The following FAM8A1 variants were observed in gnomAD, a reference collection of about 807,000 sequenced individuals.
FAM8A1 encodes the protein family with sequence similarity 8 member A1.
Under a neutral mutation model 38.3 loss-of-function variants are expected in FAM8A1, and 18 were observed. That is an observed-to-expected ratio of 0.47 (90% CI 0.33 to 0.70). FAM8A1 has a LOEUF of 0.70. Among genes scored for constraint, FAM8A1 ranks in the 30% least tolerant of loss-of-function variants. FAM8A1 has a pLI of 0.03. For synonymous variants in FAM8A1, 246 were observed against 234.4 expected (o/e 1.05, Z -0.45); for missense variants, 559 against 559.6 (o/e 1.00, Z 0.01).
intron 1 of FAM8A1, 90 bp downstream of exon 1, chr6:17,601,211 G>C: frequency 6.8e-7 from 1 of 1,463,474 alleles, no homozygotes; most frequent in South Asian, 1.3e-5. Flanking sequence ...ACCTGTAACT[G>C]CTGCTTCTAC....
chr6:17,604,959 C>T lies in FAM8A1; in HGVS notation c.887C>T (p.Thr296Ile), dbSNP rs775955945. 1 of 1,607,766 alleles carries T rather than the reference C, an allele frequency of 6.2e-7. No individual in the cohort carries two copies. Among genetic ancestry groups the T allele is most frequent in the East Asian group, 2.2e-5 (1 of 44,722 alleles). The change falls in exon 3 of 5, where the codon ACA becomes ATA. Residue 296 changes from threonine to isoleucine, a missense_variant. Physicochemically the swap from Thr to Ile is moderately conservative, Grantham distance 89. Transcript: ENST00000259963. ...HYIIEEIDED[T>I]SMEDLQKMMV... ...ATAATAGAAGAAATAGATGAAGACACATCAATGGAAGACTTGCAGAAAATG... is the reference window on the plus strand; with the variant it reads ...ATAATAGAAGAAATAGATGAAGACATATCAATGGAAGACTTGCAGAAAATG...
In FAM8A1 at chr6:17,609,539, A is replaced by G. The variant is rs1764108357; in HGVS notation, c.*1200A>G. On this transcript the variant is annotated 3_prime_UTR_variant, in exon 5 of 5. Coordinates refer to ENST00000259963, the MANE Select transcript of FAM8A1 (RefSeq NM_016255.3). ...AAAGTTTGGGGGGAAATGTTACGCA[A>G]AGTGATACTGTGTATGTTGCCATTT... The G allele has an allele frequency of 6.6e-6, 1 of 152,164 alleles. No individual in the cohort carries two copies. Among genetic ancestry groups the G allele is most frequent in the Non-Finnish European group, 1.5e-5 (1 of 68,036 alleles). 9.4% of individuals were successfully genotyped at this position (152,164 alleles called of 1,614,324 possible).
Position 17,602,550 on chromosome 6 carries a change from G to T in FAM8A1, c.713-40G>T, listed in dbSNP as rs773863992. 4.5e-6 allele frequency: 7 copies of T among 1,568,538 alleles called. No homozygotes were observed. In the Admixed American group the frequency reaches 9.8e-5, roughly 22 times the overall value. On this transcript the variant is annotated intron_variant, in intron 1 of 4. Transcript: ENST00000259963. The stretch of plus-strand genomic sequence containing the variant: ...TTGTGTTCCAAGGCTTATGTGAAAT[G>T]ATTCGTTTTTCCTAACTTTTTTTTT...
At chr6:17,606,159 G>T in intron 4 of FAM8A1, 146 bp downstream of exon 4, 1 of 479,846 alleles carries the variant, frequency 2.1e-6, no homozygotes, top group South Asian at 6.7e-5. Flanking sequence ...TGTGTTACAT[G>T]ATTGTAGACC....
rs984962618 is a variant in FAM8A1, at chr6:17,609,413, A to C, written c.*1074A>C. ...GTACTATTAATTAATAGCTTGCGAA[A>C]TATTAGCAATTTTCCCATTATGGAC... On this transcript the variant is annotated 3_prime_UTR_variant, in exon 5 of 5. Transcript: ENST00000259963. 1.3e-5 allele frequency: 2 copies of C among 152,156 alleles called. No individual in the cohort carries two copies. Among genetic ancestry groups the C allele is most frequent in the African/African-American group, 4.8e-5 (2 of 41,442 alleles). The allele number at this position is 152,156 out of a possible 1,614,324, so 9.4% of individuals were successfully genotyped here.
At chr6:17,601,163 T>C in intron 1 of FAM8A1, 42 bp downstream of exon 1, 5 of 1,549,656 alleles carry the variant, frequency 3.2e-6, no homozygotes, top group Non-Finnish European at 3.5e-6. Flanking sequence ...TAGAAGGGTT[T>C]TCGGGGGCCT....
In FAM8A1 at chr6:17,602,578, T is replaced by C; in HGVS notation, c.713-12T>C. 1 of 1,533,630 alleles carries C rather than the reference T, an allele frequency of 6.5e-7. No individual in the cohort carries two copies. The highest frequency in any genetic ancestry group is 1.2e-5 in the South Asian group (1 of 82,112). On this transcript the variant is annotated splice_polypyrimidine_tract_variant and intron_variant, in intron 1 of 4. Transcript: ENST00000259963. ...TCGTTTTTCCTAACTTTTTTTTTTTTTTAATTTACAGGCAGAGAATATGTT... is the reference window on the plus strand; with the variant it reads ...TCGTTTTTCCTAACTTTTTTTTTTTCTTAATTTACAGGCAGAGAATATGTT...
chr6:17,600,977 G>A lies in FAM8A1; in HGVS notation c.568G>A (p.Ala190Thr), dbSNP rs776746663. The change falls in exon 1 of 5, where the codon GCT becomes ACT. Residue 190 changes from alanine to threonine, a missense_variant. By Grantham distance (58) the Ala-to-Thr change is moderately conservative. Transcript: ENST00000259963. ...GGCCGCGGGGCCTGACCCGCGGACA[G>A]CTGCCGGCATCAGCACCCCTGCTCC... ...PGAAGPDPRT[A>T]AGISTPAPVA... 1.7e-4 allele frequency: 275 copies of A among 1,594,140 alleles called. 1 individual carries two copies. The highest frequency in any genetic ancestry group is 2.2e-4 in the Non-Finnish European group (256 of 1,172,388).
intron 4 of FAM8A1, among the ~76,000 whole-genome samples, chr6:17,607,224 A>C (rs1484373479): frequency 1.4e-5 from 2 of 142,980 alleles, no homozygotes; most frequent in Admixed American, 7.5e-5. Flanking sequence ...GCACCACTGC[A>C]CTCCAACCTG....
At chr6:17,602,525 T>A in intron 1 of FAM8A1, 65 bp from the exon 2 acceptor site, 2 of 1,510,558 alleles carry the variant, frequency 1.3e-6, no homozygotes, top group African/African-American at 2.8e-5. Context: ...ATTACATGGC[T>A]TGTGTTCCAA....
chr6:17,600,617 C>T lies in FAM8A1; in HGVS notation c.208C>T (p.Pro70Ser). 1.3e-6 allele frequency: 2 copies of T among 1,506,788 alleles called. No homozygotes were observed. The highest frequency in any genetic ancestry group is 1.5e-5 in the African/African-American group (1 of 68,262). The allele number at this position is 1,506,788 out of a possible 1,614,324, so 93.3% of individuals were successfully genotyped here. ...CGCCGCAGCCGACAAATTGGAGCCG[C>T]CGCGCGAGCTCAGGAAGCGCGGGGA... ...AAAAADKLEP[P>S]RELRKRGEAA... The change falls in exon 1 of 5, where the codon CCG becomes TCG. Residue 70 changes from proline to serine, a missense_variant. Pro to Ser is a moderately conservative substitution (Grantham distance 74, BLOSUM62 -1). This residue lies in a region of FAM8A1 where 393 missense variants were observed against 338.9 expected (regional missense o/e 1.16). Transcript: ENST00000259963.
At chr6:17,605,777 G>GA (rs1406646760) in intron 3 of FAM8A1, 97 bp from the exon 4 acceptor site, 72 of 1,285,840 alleles carry the variant, frequency 5.6e-5, no homozygotes, top group Non-Finnish European at 7.1e-5. Flanking sequence ...CTTTCAACTT[G>GA]AAAAATTTAA....
In FAM8A1 at chr6:17,601,141, G is replaced by C. The variant is rs1206243119; in HGVS notation, c.712+20G>C. 6.4e-7 allele frequency: 1 copy of C among 1,572,732 alleles called. No homozygotes were observed. The highest frequency in any genetic ancestry group is 1.9e-5 in the Admixed American group (1 of 53,178). ...AGGCAGGTGAGAAGCGCGAGGTGGA[G>C]GCTGGGCGGAGTAGAAGGGTTTTCG... On this transcript the variant is annotated intron_variant, in intron 1 of 4. Transcript: ENST00000259963.
intron 2 of FAM8A1, among the ~76,000 whole-genome samples, chr6:17,603,972 G>T (rs1211455321): frequency 1.3e-5 from 2 of 152,030 alleles, no homozygotes; most frequent in African/African-American, 4.8e-5. Flanking sequence ...TGGTAACTCA[G>T]TCTCCTGTTT....
chr6:17,603,918 G>C (rs571210824), intron 2 of FAM8A1, among the ~76,000 whole-genome samples: 1 of 151,606 alleles, frequency 6.6e-6, no homozygotes, highest in African/African-American at 2.4e-5. Flanking sequence ...TCCCTACTCC[G>C]ATTACTGTCG....
At chr6:17,606,606 G>A (rs1297245181) in intron 4 of FAM8A1, among the ~76,000 whole-genome samples, 2 of 152,124 alleles carry the variant, frequency 1.3e-5, no homozygotes. Flanking sequence ...TTGGACCTGT[G>A]GATGTTAGGT....
rs1366000323 is a variant in FAM8A1 at position 17,600,689 on chromosome 6, G to C, written c.280G>C (p.Glu94Gln). ...AGAGCTGCAGGAGCAGGCGGGCTGC[G>C]AGGCGCCCGAAGCCGCGGCGCCACG... ...GAELQEQAGC[E>Q]APEAAAPRER... The change falls in exon 1 of 5, where the codon GAG becomes CAG. Residue 94 changes from glutamate (E) to glutamine (Q), a missense_variant. By Grantham distance (29) the Glu-to-Gln change is conservative. Coordinates refer to ENST00000259963, the MANE Select transcript of FAM8A1 (RefSeq NM_016255.3). 12 of 1,584,892 alleles carry C rather than the reference G, an allele frequency of 7.6e-6. No homozygotes were observed. Among genetic ancestry groups the C allele is most frequent in the Non-Finnish European group, 1.0e-5 (12 of 1,169,614 alleles).
intron 1 of FAM8A1, among the ~76,000 whole-genome samples, chr6:17,601,966 T>G (rs1440907517): frequency 6.6e-6 from 1 of 152,202 alleles, no homozygotes; most frequent in Non-Finnish European, 1.5e-5. Context: ...TTCTCCTCAT[T>G]AGAATTCCTA....
Position 17,600,792 on chromosome 6 carries a change from A to C in FAM8A1, c.383A>C (p.Tyr128Ser), listed in dbSNP as rs377056354. ...HEWLWQSYCGYLTWHSGLAAF... is the reference protein window; with the variant it reads ...HEWLWQSYCGSLTWHSGLAAF... ...TGGCTGTGGCAGTCCTACTGCGGCT[A>C]CCTCACCTGGCACAGCGGCCTGGCC... The change falls in exon 1 of 5, where the codon TAC (tyrosine) becomes TCC (serine). Residue 128 changes from tyrosine (Y) to serine (S), a missense_variant. Physicochemically the swap from Tyr to Ser is moderately radical, Grantham distance 144. Transcript: ENST00000259963. 4.3e-6 allele frequency: 7 copies of C among 1,610,926 alleles called. No individual in the cohort carries two copies. The highest frequency in any genetic ancestry group is 5.9e-6 in the Non-Finnish European group (7 of 1,179,630).
Sources: allele counts gnomAD v4.1 joint callset (sites outside exome capture counted in the v4.1 genomes callset), GRCh38; gene constraint gnomAD v4.1.1; regional missense constraint gnomAD v4.1.1; transcripts MANE v1.5; gene names NCBI Gene and HGNC (gene_info 2026-07-23, HGNC 2026-07-21).